The following CEP164 variants were observed in gnomAD, a reference collection of about 807,000 sequenced individuals.
CEP164 encodes the protein centrosomal protein of 164 kDa.
In CEP164, 162 loss-of-function variants were observed where a neutral mutation model predicts 182.7. That is an observed-to-expected ratio of 0.89 (90% CI 0.78 to 1.01). The LOEUF (loss-of-function observed/expected upper bound fraction) is 1.01, where lower values mean the gene tolerates loss of function less well. Among genes scored for constraint, CEP164 ranks in the 50% least tolerant of loss-of-function variants. CEP164 has a pLI of 0.00. For synonymous variants in CEP164, 661 were observed against 690.0 expected (o/e 0.96, Z 0.66); for missense variants, 1,735 against 1,790.4 (o/e 0.97, Z 0.56).
chr11:117,352,515 C>T (rs1183973748), intron 5 of CEP164, among the ~76,000 whole-genome samples: 1 of 152,190 alleles, frequency 6.6e-6, no homozygotes, highest in Non-Finnish European at 1.5e-5. Flanking sequence ...TGGGCTTTAT[C>T]TACTCATCTA....
intron 28 of CEP164, chr11:117,408,480 G>C (rs975097061): frequency 8.1e-6 from 2 of 246,752 alleles, no homozygotes; most frequent in Non-Finnish European, 1.6e-5. Context: ...TGGGAAGGGT[G>C]GTGGGGGTCT....
chr11:117,366,183 A>G (rs2041616490), intron 8 of CEP164, among the ~76,000 whole-genome samples: 1 of 151,942 alleles, frequency 6.6e-6, no homozygotes, highest in Non-Finnish European at 1.5e-5. Context: ...CAGGATAGCC[A>G]GTGCTGCCTC....
chr11:117,392,351 C>T, intron 18 of CEP164, 48 bp downstream of exon 18: 1 of 1,586,056 alleles, frequency 6.3e-7, no homozygotes, highest in Middle Eastern at 1.7e-4. Flanking sequence ...TAGCAGAATT[C>T]AGCCCCATCC....
intron 1 of CEP164, among the ~76,000 whole-genome samples, chr11:117,333,005 T>A (rs906388730): frequency 6.6e-6 from 1 of 152,214 alleles, no homozygotes; most frequent in Non-Finnish European, 1.5e-5. Flanking sequence ...ATCTAAGGGC[T>A]GCATTCTCAT....
Position 117,387,302 on chromosome 11 carries a change from G to A in CEP164, c.1824G>A (p.Arg608=). 1.9e-6 allele frequency: 3 copies of A among 1,614,208 alleles called. No homozygotes were observed. Among genetic ancestry groups the A allele is most frequent in the Non-Finnish European group, 1.7e-6 (2 of 1,180,040 alleles). ...AVAQVLEQDQ[R]HLLESKQEKM... is the part of the protein sequence containing the mutation. ...CCCAAGTACTCGAGCAAGACCAGAG[G>A]CACCTGCTGGAATCCAAGCAAGAGA... The change falls in exon 15 of 33, where the codon AGG becomes AGA. Residue 608 remains arginine (R), a synonymous_variant. Transcript: ENST00000278935.
rs1380436983 is a variant in CEP164, at chr11:117,392,495, G to T, written c.2362-1G>T. The T allele has an allele frequency of 1.9e-6, 3 of 1,613,380 alleles. No individual in the cohort carries two copies. The highest frequency in any genetic ancestry group is 2.5e-6 in the Non-Finnish European group (3 of 1,179,698). ...CCCTGTGTGTGCGGGGGCCTCCTCAGGTGGTCTCCAGCCTCCAGAAGAAGA... is the reference window on the plus strand; with the variant it reads ...CCCTGTGTGTGCGGGGGCCTCCTCATGTGGTCTCCAGCCTCCAGAAGAAGA... On this transcript the variant is annotated splice_acceptor_variant, in intron 18 of 32. Coordinates refer to ENST00000278935, the MANE Select transcript of CEP164 (RefSeq NM_014956.5). LOFTEE classifies it high-confidence loss of function.
chr11:117,392,119 T>A, intron 17 of CEP164, 107 bp from the exon 18 acceptor site: 1 of 923,920 alleles, frequency 1.1e-6, no homozygotes, highest in Non-Finnish European at 1.6e-6. Flanking sequence ...CATGCTTCCC[T>A]TGACCCTGAT....
At position 117,408,879 on chromosome 11, in the gene CEP164, T is replaced by C. The variant is rs748455691; in HGVS notation, c.3610-11T>C. On this transcript the variant is annotated splice_polypyrimidine_tract_variant and intron_variant, in intron 28 of 32. Coordinates refer to ENST00000278935, the MANE Select transcript of CEP164 (RefSeq NM_014956.5). ...GAGAGGTGGGTCATAACTGCTGACTTTACCCCACAGGCCTCAGATGAGGGC... is the reference window on the plus strand; with the variant it reads ...GAGAGGTGGGTCATAACTGCTGACTCTACCCCACAGGCCTCAGATGAGGGC... 16 of 1,613,592 alleles carry C rather than the reference T, an allele frequency of 9.9e-6. No homozygotes were observed. The South Asian group carries it at 1.8e-4, about 18-fold the overall frequency.
Position 117,366,530 on chromosome 11 carries a change from C to T in CEP164, c.765+3024C>T, listed in dbSNP as rs945259798. On this transcript the variant is annotated intron_variant, in intron 8 of 32. Coordinates refer to ENST00000278935, the MANE Select transcript of CEP164 (RefSeq NM_014956.5). The stretch of plus-strand genomic sequence containing the variant: ...CAAATCCAGGAGGCTGAAGGGTAGG[C>T]GAGCAGACTTTATGTGGCCATGTGG... 5.9e-5 allele frequency among the ~76,000 whole-genome samples: 9 copies of T among 152,148 alleles called. 1 individual carries two copies. Among genetic ancestry groups the T allele is most frequent in the Admixed American group, 2.6e-4 (4 of 15,264 alleles).
intron 10 of CEP164, among the ~76,000 whole-genome samples, chr11:117,374,313 C>G (rs1488546180): frequency 6.6e-6 from 1 of 152,148 alleles, no homozygotes; most frequent in Non-Finnish European, 1.5e-5. Context: ...TCCATGGTTT[C>G]TTTGTCCCAG....
At chr11:117,330,452 A>G (rs2036024858) in intron 1 of CEP164, among the ~76,000 whole-genome samples, 1 of 152,136 alleles carries the variant, frequency 6.6e-6, no homozygotes, top group East Asian at 1.9e-4. Flanking sequence ...CAGGAGTTCG[A>G]GACTTGGCCA....
chr11:117,354,554 C>T (rs935127030), intron 5 of CEP164, among the ~76,000 whole-genome samples: 2 of 152,052 alleles, frequency 1.3e-5, no homozygotes, highest in African/African-American at 2.4e-5. Context: ...TATAGTACCC[C>T]GAGGTACTGA....
chr11:117,389,369 C>T (rs1378392407), intron 15 of CEP164, among the ~76,000 whole-genome samples: 2 of 152,150 alleles, frequency 1.3e-5, no homozygotes, highest in African/African-American at 2.4e-5. Context: ...ATAGATATCA[C>T]GGCTTGCTTA....
chr11:117,349,034 T>G (rs1044903503), intron 4 of CEP164, among the ~76,000 whole-genome samples: 2 of 152,168 alleles, frequency 1.3e-5, no homozygotes, highest in African/African-American at 4.8e-5. Context: ...ATCAATTTTT[T>G]TTTTTTGAGA....
chr11:117,363,327 G>A (rs527333759), intron 7 of CEP164, 102 bp from the exon 8 acceptor site: 673 of 774,506 alleles, frequency 8.7e-4, no homozygotes, highest in Non-Finnish European at 1.3e-3. Context: ...GCCTGGGCCC[G>A]CCTGTCAGCT....
rs1362686273 is a variant in CEP164, at chr11:117,410,819, C to T, written c.4097-9C>T. The T allele has an allele frequency of 1.2e-5, 20 of 1,611,356 alleles. No individual in the cohort carries two copies. Among genetic ancestry groups the T allele is most frequent in the Non-Finnish European group, 1.7e-5 (20 of 1,178,418 alleles). On this transcript the variant is annotated splice_polypyrimidine_tract_variant and intron_variant, in intron 30 of 32. Coordinates refer to ENST00000278935, the MANE Select transcript of CEP164 (RefSeq NM_014956.5). ...CCCATTTCTGAGTCCTGTCCCCATGCTCTTCCAGCTGGCATCCCGCTGCTC... is the reference window on the plus strand; with the variant it reads ...CCCATTTCTGAGTCCTGTCCCCATGTTCTTCCAGCTGGCATCCCGCTGCTC...
chr11:117,409,644 C>A lies in CEP164; in HGVS notation c.3775C>A (p.Arg1259Ser). 6.2e-7 allele frequency: 1 copy of A among 1,610,476 alleles called. No homozygotes were observed. The highest frequency in any genetic ancestry group is 8.5e-7 in the Non-Finnish European group (1 of 1,177,054). Residue 1259 changes from arginine to serine, a missense_variant, in exon 30 of 33, where the codon CGC becomes AGC. Transcript: ENST00000278935. This position sits in a 1 kb window ranked among gnomAD's most constrained non-coding sequence, Gnocchi z 4.4. ...RIDSTPSLTS[R>S]KIHGLSHSLR... ...CGACTCAACCCCGAGTCTCACCTCC[C>A]GCAAGATCCACGGGCTTAGCCACTC...
At chr11:117,348,890 A>G (rs1291969068) in intron 4 of CEP164, among the ~76,000 whole-genome samples, 1 of 152,226 alleles carries the variant, frequency 6.6e-6, no homozygotes, top group Non-Finnish European at 1.5e-5. Flanking sequence ...GAATTATGCA[A>G]TATTTGTCCT....
chr11:117,368,616 G>T (rs1472601077), intron 8 of CEP164, among the ~76,000 whole-genome samples: 4 of 152,184 alleles, frequency 2.6e-5, no homozygotes, highest in Non-Finnish European at 5.9e-5. Context: ...GGCCCTGCTT[G>T]CCGAGTGAGG....
Sources: gnomAD v4.1 joint callset for allele counts (sites outside exome capture counted in the v4.1 genomes callset) on GRCh38, gnomAD v4.1.1 for gene constraint, Gnocchi (gnomAD v3.1) non-coding constraint, MANE v1.5 for transcripts, NCBI Gene and HGNC (gene_info 2026-07-23, HGNC 2026-07-21) for gene names.